PIP4K2B: variants seen among roughly 807,000 people sequenced by gnomAD.
PIP4K2B encodes the protein phosphatidylinositol 5-phosphate 4-kinase type-2 beta.
In PIP4K2B, 3 loss-of-function variants were observed where a neutral mutation model predicts 42.0. The ratio of observed to expected loss-of-function variants is 0.07; its 90% CI spans 0.03 to 0.18. The LOEUF (loss-of-function observed/expected upper bound fraction) is 0.18, where lower values mean the gene tolerates loss of function less well. PIP4K2B is among the 10% of genes least tolerant of loss of function. The pLI is 1.00. For missense variants in PIP4K2B, 332 were observed against 562.3 expected, an observed-to-expected ratio of 0.59 and a Z score of 4.14; for synonymous variants, 204 against 210.1, an observed-to-expected ratio of 0.97 and a Z score of 0.25.
intron 1 of PIP4K2B, among the ~76,000 whole-genome samples, chr17:38,789,068 G>A (rs1013171262): frequency 1.3e-5 from 2 of 152,170 alleles, no homozygotes; most frequent in South Asian, 2.1e-4. Flanking sequence ...ACAGTGAGCT[G>A]ACTGCACCAC....
Position 38,780,547 on chromosome 17 carries a change from G to C in PIP4K2B, c.412C>G (p.Arg138Gly). 1 of 1,613,832 alleles carries C rather than the reference G, an allele frequency of 6.2e-7. No homozygotes were observed. The highest frequency in any genetic ancestry group is 8.5e-7 in the Non-Finnish European group (1 of 1,179,702). Reference protein sequence around the residue: ...NSDSQGRCGTRFLTTYDRRFV... With the variant: ...NSDSQGRCGTGFLTTYDRRFV... ...CGCCGGTCGTAGGTGGTGAGGAAAC[G>C]CGTGCCACACCGACCCTGGCTGTCA... Residue 138 changes from arginine to glycine, a missense_variant, in exon 4 of 10, where the codon CGT becomes GGT. Around this residue, in one of 6 missense-constraint regions of PIP4K2B, gnomAD observed 186 missense variants for 288.4 expected, o/e 0.64. Coordinates refer to ENST00000619039, the MANE Select transcript of PIP4K2B (RefSeq NM_003559.5).
intron 3 of PIP4K2B, 56 bp from the exon 4 acceptor site, chr17:38,780,660 T>C: frequency 6.4e-7 from 1 of 1,561,282 alleles, no homozygotes; most frequent in East Asian, 2.3e-5. Flanking sequence ...ATTCTGACTT[T>C]CGCTGAGTCT....
chr17:38,791,059 C>T (rs1375292799), intron 1 of PIP4K2B, among the ~76,000 whole-genome samples: 2 of 151,906 alleles, frequency 1.3e-5, no homozygotes, highest in Non-Finnish European at 2.9e-5. Flanking sequence ...GGCTTATAAT[C>T]TCATCAGGGA....
Position 38,766,098 on chromosome 17 carries a change from C to G in PIP4K2B, c.*3593G>C, listed in dbSNP as rs1310171223. 6.6e-6 allele frequency: 1 copy of G among 152,470 alleles called. No individual in the cohort carries two copies. The highest frequency in any genetic ancestry group is 1.5e-5 in the Non-Finnish European group (1 of 68,062). 9.4% of individuals were successfully genotyped at this position (152,470 alleles called of 1,614,324 possible). A position where few individuals can be genotyped will look rare whatever the true frequency, so the allele number is the denominator to read the frequency against. On this transcript the variant is annotated 3_prime_UTR_variant, in exon 10 of 10. Transcript: ENST00000619039. ...ACTGGCACAAGCTGCCAAGGGACAG[C>G]TGAGTCTCCTTTTCCCCATGGGGCA...
rs1366421189 is a variant in PIP4K2B, at chr17:38,766,679, CA to C, written c.*3011del. On this transcript the variant is annotated 3_prime_UTR_variant, in exon 10 of 10. Transcript: ENST00000619039. The stretch of plus-strand genomic sequence containing the variant: ...CAGGGGCCACTCGTGGCGCCTGCCA[CA>C]GACCAGCAACCCCTGAGCTAAAGAA... The C allele has an allele frequency of 6.5e-6, 1 of 152,748 alleles. No individual in the cohort carries two copies. Among genetic ancestry groups the C allele is most frequent in the African/African-American group, 2.4e-5 (1 of 41,450 alleles). 9.5% of individuals were successfully genotyped at this position (152,748 alleles called of 1,614,324 possible). A position where few individuals can be genotyped will look rare whatever the true frequency, so the allele number is the denominator to read the frequency against.
chr17:38,796,060 C>A (rs1017850769), intron 1 of PIP4K2B, among the ~76,000 whole-genome samples: 2 of 152,138 alleles, frequency 1.3e-5, no homozygotes, highest in Non-Finnish European at 2.9e-5. Flanking sequence ...ATTGCTTGAA[C>A]CCGGGAGGTG....
chr17:38,794,386 A>G (rs918450045), intron 1 of PIP4K2B, among the ~76,000 whole-genome samples: 2 of 151,952 alleles, frequency 1.3e-5, no homozygotes, highest in African/African-American at 4.8e-5. Context: ...AATACGCTCT[A>G]CAGAGCTGCA....
intron 2 of PIP4K2B, 56 bp downstream of exon 2, chr17:38,786,767 T>C: frequency 8.8e-7 from 1 of 1,137,172 alleles, no homozygotes; most frequent in South Asian, 1.2e-5. Flanking sequence ...CAGAAGCCTC[T>C]GACTTGAGGG....
In PIP4K2B at chr17:38,766,631, G is replaced by A. The variant is rs936883851; in HGVS notation, c.*3060C>T. ...AGAGCTGCCTGTGGTGGGAACTTAAGAGACTGCCACTGAGAACAGCCACAG... is the reference window on the plus strand; with the variant it reads ...AGAGCTGCCTGTGGTGGGAACTTAAAAGACTGCCACTGAGAACAGCCACAG... On this transcript the variant is annotated 3_prime_UTR_variant, in exon 10 of 10. Transcript: ENST00000619039. 1 of 152,706 alleles carries A rather than the reference G, an allele frequency of 6.5e-6. No individual in the cohort carries two copies. The highest frequency in any genetic ancestry group is 1.5e-5 in the Non-Finnish European group (1 of 68,086). The allele number at this position is 152,706 out of a possible 1,614,324, so 9.5% of individuals were successfully genotyped here. A position where few individuals can be genotyped will look rare whatever the true frequency, so the allele number is the denominator to read the frequency against.
At chr17:38,786,097 C>T (rs1021282658) in intron 2 of PIP4K2B, among the ~76,000 whole-genome samples, 10 of 152,166 alleles carry the variant, frequency 6.6e-5, no homozygotes, top group Non-Finnish European at 1.2e-4. Context: ...GGTGGGGTGA[C>T]AGAACCCAGC....
At chr17:38,774,490 C>T (rs759156898) in intron 7 of PIP4K2B, among the ~76,000 whole-genome samples, 3 of 152,088 alleles carry the variant, frequency 2.0e-5, no homozygotes, top group Non-Finnish European at 4.4e-5. Flanking sequence ...CTCTTAGGGC[C>T]GGGCGTGGTG....
chr17:38,797,360 C>T (rs1049995120), intron 1 of PIP4K2B, among the ~76,000 whole-genome samples: 1 of 152,128 alleles, frequency 6.6e-6, no homozygotes, highest in Non-Finnish European at 1.5e-5. Context: ...CATGCATAGG[C>T]GTATAACCCA....
intron 1 of PIP4K2B, among the ~76,000 whole-genome samples, chr17:38,791,292 C>T (rs1394981059): frequency 6.6e-6 from 1 of 151,986 alleles, no homozygotes; most frequent in Non-Finnish European, 1.5e-5. Flanking sequence ...TCTACAAGAT[C>T]ATGCTACACT....
intron 5 of PIP4K2B, 43 bp downstream of exon 5, chr17:38,779,340 G>T: frequency 1.3e-6 from 2 of 1,579,146 alleles, no homozygotes; most frequent in Non-Finnish European, 1.7e-6. Flanking sequence ...TCGGGGCTCA[G>T]ATAGAGGGGA....
chr17:38,770,455 G>A lies in PIP4K2B; in HGVS notation c.1151C>T (p.Ala384Val). The change falls in exon 9 of 10, where the codon GCC (alanine) becomes GTC (valine). Residue 384 changes from alanine to valine, a missense_variant. Physicochemically the swap from Ala to Val is moderately conservative, Grantham distance 64. Around this residue, in one of 6 missense-constraint regions of PIP4K2B, gnomAD observed 26 missense variants for 76.4 expected, o/e 0.34. Transcript: ENST00000619039. ...YDTKKKAAHA[A>V]KTVKHGAGAE... is the part of the protein sequence containing the mutation. The stretch of plus-strand genomic sequence containing the variant: ...ACTCACCCCGTGTTTCACCGTTTTG[G>A]CAGCATGTGCAGCTTTCTTCTTTGT... 1 of 1,609,718 alleles carries A rather than the reference G, an allele frequency of 6.2e-7. No homozygotes were observed. Among genetic ancestry groups the A allele is most frequent in the Non-Finnish European group, 8.5e-7 (1 of 1,176,304 alleles).
chr17:38,791,406 A>ATTTTTTTTTTTTTTTTTTTT (rs58027566), intron 1 of PIP4K2B, among the ~76,000 whole-genome samples: 1 of 91,156 alleles, frequency 1.1e-5, no homozygotes, highest in African/African-American at 5.0e-5. Context: ...CAGACTGCCA[A>ATTTTTTTTTTTTTTTTTTTT]TTTTTTTTTT....
intron 1 of PIP4K2B, among the ~76,000 whole-genome samples, chr17:38,794,492 C>A (rs228238): frequency 0.32 from 42,389 of 134,136 alleles, 7,096 homozygotes; most frequent in African/African-American, 0.47. Flanking sequence ...GACCACAATA[C>A]AATTAAAAAA....
rs1017695528 is a variant in PIP4K2B, at chr17:38,788,140, G to A, written c.160-1220C>T. On this transcript the variant is annotated intron_variant, in intron 1 of 9. Coordinates refer to ENST00000619039, the MANE Select transcript of PIP4K2B (RefSeq NM_003559.5). ...AAGAAAAAAAGCTGGATGGGTTTGTGTGGACTTGTAACTCATATCCCCAAG... is the reference window on the plus strand; with the variant it reads ...AAGAAAAAAAGCTGGATGGGTTTGTATGGACTTGTAACTCATATCCCCAAG... 3.4e-4 allele frequency among the ~76,000 whole-genome samples: 52 copies of A among 152,128 alleles called. 3 individuals carry two copies. Among genetic ancestry groups the A allele is most frequent in the African/African-American group, 4.8e-5 (2 of 41,418 alleles).
intron 9 of PIP4K2B, among the ~76,000 whole-genome samples, chr17:38,770,208 G>C (rs1254224868): frequency 8.5e-5 from 13 of 152,242 alleles, no homozygotes; most frequent in Admixed American, 7.2e-4. Flanking sequence ...GAGGGCTGGA[G>C]AACTGGGGGA....
Sources: allele counts gnomAD v4.1 joint callset (sites outside exome capture counted in the v4.1 genomes callset), GRCh38; gene constraint gnomAD v4.1.1; regional missense constraint gnomAD v4.1.1; transcripts MANE v1.5; gene names NCBI Gene and HGNC (gene_info 2026-07-23, HGNC 2026-07-21).